ADGRA3: variants seen among roughly 807,000 people sequenced by gnomAD.
ADGRA3 encodes G-protein coupled receptor 125.
ADGRA3 carries 56 observed loss-of-function variants against 119.8 expected under a neutral mutation model. The ratio of observed to expected loss-of-function variants is 0.47; its 90% CI spans 0.38 to 0.58. ADGRA3 has a LOEUF of 0.58. Ranked by LOEUF, ADGRA3 falls within the 20% of genes least tolerant of loss-of-function variation. ADGRA3 has a pLI of 0.00. For synonymous variants in ADGRA3, 607 were observed against 623.8 expected, an observed-to-expected ratio of 0.97 and a Z score of 0.40; for missense variants, 1,516 against 1,649.0, an observed-to-expected ratio of 0.92 and a Z score of 1.40.
chr4:22,492,822 A>G (rs149345241), intron 1 of ADGRA3, among the ~76,000 whole-genome samples: 3 of 152,384 alleles, frequency 2.0e-5, no homozygotes, highest in Non-Finnish European at 2.9e-5. Flanking sequence ...TATCCCCATC[A>G]TCTAGAGATG....
intron 11 of ADGRA3, among the ~76,000 whole-genome samples, chr4:22,421,881 C>CCAAAAAAAAAAAAAAAAAAAAAAAAAAA (rs767609157): frequency 1.4e-5 from 1 of 70,442 alleles, no homozygotes. Context: ...ACTCAGTCTC[C>CCAAAAAAAAAAAAAAAAAAAAAAAAAAA]AAAAAAAAAA....
intron 16 of ADGRA3, chr4:22,394,083 C>T (rs1055784971): frequency 6.6e-6 from 1 of 152,020 alleles, no homozygotes; most frequent in Non-Finnish European, 1.5e-5. Context: ...GCTTTCTTAA[C>T]CAGTAACTTG....
intron 14 of ADGRA3, among the ~76,000 whole-genome samples, chr4:22,408,735 T>C (rs1393429369): frequency 1.3e-5 from 2 of 152,180 alleles, no homozygotes; most frequent in Non-Finnish European, 2.9e-5. Context: ...TGGCTTTAGC[T>C]ACTTAAAGCT....
chr4:22,491,314 A>G (rs1379300623), intron 1 of ADGRA3, among the ~76,000 whole-genome samples: 4 of 152,248 alleles, frequency 2.6e-5, no homozygotes, highest in Non-Finnish European at 5.9e-5. Context: ...AAGATCCATA[A>G]TATGATGTAG....
chr4:22,390,990 T>C (rs980999382), intron 17 of ADGRA3, among the ~76,000 whole-genome samples: 3 of 152,084 alleles, frequency 2.0e-5, no homozygotes, highest in South Asian at 4.2e-4. Context: ...CTGCTGCTCC[T>C]TGTCAAACAC....
At chr4:22,494,786 T>A (rs1260161505) in intron 1 of ADGRA3, among the ~76,000 whole-genome samples, 1 of 152,002 alleles carries the variant, frequency 6.6e-6, no homozygotes, top group Non-Finnish European at 1.5e-5. Flanking sequence ...TAGTTATTTT[T>A]AACTAAATAA....
rs1157302936 is a variant in ADGRA3 at position 22,450,929 on chromosome 4, T to C, written c.474-3418A>G. On this transcript the variant is annotated intron_variant, in intron 4 of 18. Transcript: ENST00000334304. ...GTGTGTGTGTCTATGCATTTCTGGA[T>C]ATAACAGAAAAAAAAAAAAAAAATA... Among the ~76,000 whole-genome samples the C allele has an allele frequency of 4.4e-4, 25 of 56,682 alleles. No homozygotes were observed. The East Asian group carries it at 0.016, about 36-fold the overall frequency. The allele number at this position is 56,682 out of a possible 152,430, so 37.2% of individuals were successfully genotyped here.
rs73800959 is a variant in ADGRA3 at position 22,443,231 on chromosome 4, C to T, written c.707-368G>A. On this transcript the variant is annotated intron_variant, in intron 6 of 18. Transcript: ENST00000334304. ...AAAATACACTTTGGAGACTGCAATA[C>T]CTTTGATTACAACACGAGTTTTTGG... 5.1e-3 allele frequency: 2,660 copies of T among 523,030 alleles called. 52 individuals are homozygous for T. The highest frequency in any genetic ancestry group is 0.043 in the African/African-American group (2,154 of 50,390). 32.4% of individuals were successfully genotyped at this position (523,030 alleles called of 1,614,324 possible). A position where few individuals can be genotyped will look rare whatever the true frequency, so the allele number is the denominator to read the frequency against.
At chr4:22,407,047 G>A (rs1194624450) in intron 14 of ADGRA3, among the ~76,000 whole-genome samples, 1 of 152,110 alleles carries the variant, frequency 6.6e-6, no homozygotes, top group Non-Finnish European at 1.5e-5. Flanking sequence ...CGAGGCGGGT[G>A]GATCACAAGG....
Position 22,387,541 on chromosome 4 carries a change from G to C in ADGRA3, c.*164C>G, listed in dbSNP as rs965573328. ...ATTTTGTTTCAGATCCTAAAAAATA[G>C]CAACAATTTGGGGATAAAAATAAGT... On this transcript the variant is annotated 3_prime_UTR_variant, in exon 19 of 19. Coordinates refer to ENST00000334304, the MANE Select transcript of ADGRA3 (RefSeq NM_145290.4). The C allele has an allele frequency of 1.6e-6, 1 of 607,614 alleles. No individual in the cohort carries two copies. Among genetic ancestry groups the C allele is most frequent in the African/African-American group, 1.9e-5 (1 of 53,878 alleles). 37.6% of individuals were successfully genotyped at this position (607,614 alleles called of 1,614,324 possible).
intron 1 of ADGRA3, among the ~76,000 whole-genome samples, chr4:22,506,660 A>G (rs1234020359): frequency 6.6e-6 from 1 of 151,990 alleles, no homozygotes; most frequent in Non-Finnish European, 1.5e-5. Flanking sequence ...TCTGGGAGGC[A>G]CCTACCTCAT....
At chr4:22,404,538 A>G (rs1200890789) in intron 14 of ADGRA3, among the ~76,000 whole-genome samples, 1 of 152,202 alleles carries the variant, frequency 6.6e-6, no homozygotes, top group African/African-American at 2.4e-5. Context: ...TCTAACTTAC[A>G]ATTCACCCAT....
intron 1 of ADGRA3, among the ~76,000 whole-genome samples, chr4:22,503,504 A>G (rs917274796): frequency 1.1e-4 from 16 of 152,200 alleles, no homozygotes; most frequent in Non-Finnish European, 4.4e-5. Context: ...TTATATCTCC[A>G]TACTTGCTCT....
intron 16 of ADGRA3, among the ~76,000 whole-genome samples, chr4:22,401,145 T>G (rs1714619811): frequency 6.6e-6 from 1 of 152,150 alleles, no homozygotes; most frequent in Admixed American, 6.6e-5. Context: ...AAGTCAGAAT[T>G]TCATACATTT....
At chr4:22,419,246 G>A (rs891307971) in intron 12 of ADGRA3, among the ~76,000 whole-genome samples, 31 of 10,336 alleles carry the variant, frequency 3.0e-3, no homozygotes, top group Non-Finnish European at 5.9e-3. Flanking sequence ...ATATTCAAGG[G>A]ATTAAAAAAA....
intron 6 of ADGRA3, among the ~76,000 whole-genome samples, chr4:22,443,654 C>T (rs183453120): frequency 6.6e-6 from 1 of 151,996 alleles, no homozygotes; most frequent in Non-Finnish European, 1.5e-5. Context: ...TGATATGCAT[C>T]TATTTTAAAT....
chr4:22,497,459 A>T (rs754325816), intron 1 of ADGRA3, among the ~76,000 whole-genome samples: 2 of 152,158 alleles, frequency 1.3e-5, no homozygotes, highest in Non-Finnish European at 2.9e-5. Context: ...TGGGGTTTAA[A>T]AGCCTATATT....
intron 12 of ADGRA3, chr4:22,414,338 C>G (rs972630622): frequency 8.7e-6 from 3 of 344,016 alleles, no homozygotes; most frequent in African/African-American, 4.2e-5. Context: ...GCAGAAATTT[C>G]CTTGAGACTA....
Position 22,388,663 on chromosome 4 carries a change from A to G in ADGRA3, c.3008T>C (p.Leu1003Ser), listed in dbSNP as rs770843149. The G allele has an allele frequency of 3.1e-6, 5 of 1,614,112 alleles. No individual in the cohort carries two copies. In the South Asian group the frequency reaches 5.5e-5, roughly 18 times the overall value. ...CATCCACAGTGCAACATATAAGAGC[A>G]AAGTAAGGCTGGCCCCCAAGAGCTG... The part of the protein sequence containing the change: ...HSQLLGASLT[L>S]LLYVALWMFG... The change falls in exon 19 of 19, where the codon TTG becomes TCG. Residue 1003 changes from leucine to serine, a missense_variant. By Grantham distance (145) the Leu-to-Ser change is moderately radical. Around this residue, in one of 2 missense-constraint regions of ADGRA3, gnomAD observed 1,088 missense variants for 1,107.1 expected, o/e 0.98. Transcript: ENST00000334304.
Sources: allele counts gnomAD v4.1 joint callset (sites outside exome capture counted in the v4.1 genomes callset), GRCh38; gene constraint gnomAD v4.1.1; regional missense constraint gnomAD v4.1.1; transcripts MANE v1.5; gene names NCBI Gene and HGNC (gene_info 2026-07-23, HGNC 2026-07-21).